The following GNAI1 variants were observed in gnomAD, a reference collection of about 807,000 sequenced individuals.
GNAI1 encodes the protein guanine nucleotide-binding protein G(i) subunit alpha-1.
GNAI1 carries 11 observed loss-of-function variants against 38.9 expected under a neutral mutation model. The observed-to-expected ratio is 0.28, with a 90% confidence interval of 0.18 to 0.47. The LOEUF is 0.47. GNAI1 is among the 20% of genes least tolerant of loss of function. GNAI1 has a pLI of 0.99. For missense variants in GNAI1, 317 were observed against 436.9 expected (o/e 0.73, Z 2.45); for synonymous variants, 166 against 145.1 (o/e 1.14, Z -1.04).
At position 80,221,358 on chromosome 7, in the gene GNAI1, A is replaced by G. The variant is rs141075215; in HGVS notation, c.*3865A>G. On this transcript the variant is annotated 3_prime_UTR_variant, in exon 8 of 8. Coordinates refer to ENST00000649796, the MANE Select transcript of GNAI1 (RefSeq NM_002069.6). ...GGGAGTGTGGAATGTATAAGCCGTC[A>G]ATACAATTTGCTGTTATTTGATTAT... is the stretch of plus-strand genomic sequence containing the variant. Among the ~76,000 whole-genome samples the G allele has an allele frequency of 4.7e-4, 71 of 152,348 alleles. No homozygotes were observed. The highest frequency in any genetic ancestry group is 1.7e-3 in the African/African-American group (69 of 41,582).
At chr7:80,168,559 TG>T (rs1196923654) in intron 1 of GNAI1, among the ~76,000 whole-genome samples, 1 of 152,208 alleles carries the variant, frequency 6.6e-6, no homozygotes, top group African/African-American at 2.4e-5. Context: ...GGCTAATTTT[TG>T]TATTTTTAGT....
At chr7:80,183,655 A>T (rs1175228967) in intron 1 of GNAI1, among the ~76,000 whole-genome samples, 1 of 152,070 alleles carries the variant, frequency 6.6e-6, no homozygotes, top group Admixed American at 6.6e-5. Flanking sequence ...AAAAAAAGAT[A>T]CTTGTTTTCT....
chr7:80,211,512 G>A (rs1788873291), intron 6 of GNAI1, among the ~76,000 whole-genome samples: 1 of 151,088 alleles, frequency 6.6e-6, no homozygotes. Context: ...CCACCTCCCA[G>A]GTTCAAGCCA....
chr7:80,152,369 T>C (rs967166518), intron 1 of GNAI1, among the ~76,000 whole-genome samples: 4 of 152,214 alleles, frequency 2.6e-5, no homozygotes, highest in South Asian at 2.1e-4. Context: ...TTATATCTTA[T>C]GTTGCAAGAA....
rs1269527292 is a variant in GNAI1 at position 80,145,371 on chromosome 7, G to T, written c.118+10093G>T. Among the ~76,000 whole-genome samples, 4 of 152,212 alleles carry T rather than the reference G, an allele frequency of 2.6e-5. No homozygotes were observed. The South Asian group carries it at 6.2e-4, about 24-fold the overall frequency. On this transcript the variant is annotated intron_variant, in intron 1 of 7. Transcript: ENST00000649796. ...ATATATTTTTTAAAGAGGTAATGTG[G>T]TGTTTATTCCCGTGTACTCTTCTCC...
In GNAI1 at chr7:80,135,283, G is replaced by A. The variant is rs374969277; in HGVS notation, c.118+5G>A. On this transcript the variant is annotated splice_donor_5th_base_variant and intron_variant, in intron 1 of 7. Transcript: ENST00000649796. ...AGGTCAAGCTGCTGCTGCTCGGTAA[G>A]GGCGGCCGGGTCGGGGCCCGGGGGT... is the stretch of plus-strand genomic sequence containing the variant. The A allele has an allele frequency of 6.1e-4, 893 of 1,455,376 alleles. 4 individuals are homozygous for A. Among genetic ancestry groups the A allele is most frequent in the Admixed American group, 8.9e-4 (36 of 40,382 alleles). 90.2% of individuals were successfully genotyped at this position (1,455,376 alleles called of 1,614,324 possible).
chr7:80,169,601 A>C (rs1334348996), intron 1 of GNAI1, among the ~76,000 whole-genome samples: 1 of 152,194 alleles, frequency 6.6e-6, no homozygotes, highest in African/African-American at 2.4e-5. Flanking sequence ...TGAAATGTCT[A>C]TAATCAGGTT....
chr7:80,160,760 A>G (rs191835291), intron 1 of GNAI1, among the ~76,000 whole-genome samples: 60 of 152,268 alleles, frequency 3.9e-4, no homozygotes, highest in Non-Finnish European at 8.8e-5. Context: ...TATTAAGGAG[A>G]GTATTTTGGT....
At chr7:80,210,278 G>A (rs1367866220) in intron 5 of GNAI1, among the ~76,000 whole-genome samples, 1 of 151,990 alleles carries the variant, frequency 6.6e-6, no homozygotes, top group Non-Finnish European at 1.5e-5. Context: ...AACCTATAGT[G>A]GTTCACTCTT....
At chr7:80,198,790 C>G (rs1788627713) in intron 3 of GNAI1, among the ~76,000 whole-genome samples, 3 of 152,178 alleles carry the variant, frequency 2.0e-5, no homozygotes. Context: ...AAAGCTAACA[C>G]TTAATTCAAT....
intron 1 of GNAI1, among the ~76,000 whole-genome samples, chr7:80,175,447 A>G (rs992649508): frequency 6.6e-6 from 1 of 152,100 alleles, no homozygotes; most frequent in African/African-American, 2.4e-5. Flanking sequence ...TCCAAATCAA[A>G]CATGGGTTAA....
At chr7:80,158,162 A>G (rs551919750) in intron 1 of GNAI1, among the ~76,000 whole-genome samples, 5 of 152,224 alleles carry the variant, frequency 3.3e-5, no homozygotes, top group African/African-American at 1.2e-4. Flanking sequence ...AAGCAGTGTC[A>G]GTACTCCAAC....
intron 1 of GNAI1, among the ~76,000 whole-genome samples, chr7:80,164,758 A>G (rs1195509678): frequency 6.6e-6 from 1 of 152,164 alleles, no homozygotes; most frequent in African/African-American, 2.4e-5. Context: ...GCTCTTCTCT[A>G]ACATCCTCCA....
chr7:80,178,181 T>G (rs1442664536), intron 1 of GNAI1, among the ~76,000 whole-genome samples: 1 of 152,156 alleles, frequency 6.6e-6, no homozygotes, highest in Non-Finnish European at 1.5e-5. Context: ...ATGATAAAAC[T>G]TTAAGGAAAG....
At chr7:80,154,691 A>G (rs1429797369) in intron 1 of GNAI1, among the ~76,000 whole-genome samples, 1 of 152,176 alleles carries the variant, frequency 6.6e-6, no homozygotes, top group Non-Finnish European at 1.5e-5. Flanking sequence ...TTTTCTTTAT[A>G]TTAAAGGAAA....
intron 1 of GNAI1, among the ~76,000 whole-genome samples, chr7:80,158,066 C>CA (rs1562826614): frequency 1.3e-5 from 2 of 152,022 alleles, no homozygotes; most frequent in African/African-American, 4.8e-5. Context: ...GGTGAGGTGT[C>CA]AAAGTTTTTA....
At chr7:80,217,225 T>A (rs1017959665) in intron 7 of GNAI1, 78 bp from the exon 8 acceptor site, 3 of 905,154 alleles carry the variant, frequency 3.3e-6, no homozygotes, top group South Asian at 2.0e-5. Context: ...CAGTTTCATA[T>A]GTATGAAACT....
intron 1 of GNAI1, among the ~76,000 whole-genome samples, chr7:80,142,726 C>G (rs1787548041): frequency 6.6e-6 from 1 of 151,992 alleles, no homozygotes; most frequent in African/African-American, 2.4e-5. Flanking sequence ...GAATTTTAGC[C>G]CAATATATAT....
intron 1 of GNAI1, among the ~76,000 whole-genome samples, chr7:80,151,957 A>G (rs1584010254): frequency 3.3e-5 from 5 of 152,204 alleles, no homozygotes; most frequent in East Asian, 1.9e-4. Context: ...CCCTTCAGCT[A>G]TTAAAGGGCA....
Sources: gnomAD v4.1 joint callset for allele counts (sites outside exome capture counted in the v4.1 genomes callset) on GRCh38, gnomAD v4.1.1 for gene constraint, MANE v1.5 for transcripts, NCBI Gene and HGNC (gene_info 2026-07-23, HGNC 2026-07-21) for gene names.